RFX7: variants seen among roughly 807,000 people sequenced by gnomAD.
RFX7 encodes the protein DNA-binding protein RFX7.
A neutral mutation model predicts 111.8 loss-of-function variants in RFX7; 26 were observed. The observed-to-expected ratio is 0.23, with a 90% CI of 0.17 to 0.32. The LOEUF (loss-of-function observed/expected upper bound fraction) is 0.32. RFX7 is among the 10% of genes least tolerant of loss of function. The pLI is 1.00. For synonymous variants in RFX7, 624 were observed against 624.4 expected, an observed-to-expected ratio of 1.00 and a Z score of 0.01; for missense variants, 1,573 against 1,772.9, an observed-to-expected ratio of 0.89 and a Z score of 2.02.
chr15:56,201,090 G>A (rs79109146), intron 2 of RFX7, among the ~76,000 whole-genome samples: 1 of 152,240 alleles, frequency 6.6e-6, no homozygotes, highest in East Asian at 1.9e-4. Context: ...TTAATGGGAA[G>A]ACTACGGACT....
chr15:56,167,217 AG>A (rs2042793575), intron 3 of RFX7, among the ~76,000 whole-genome samples: 1 of 152,158 alleles, frequency 6.6e-6, no homozygotes, highest in Admixed American at 6.5e-5. Context: ...CTGAGGCAGA[AG>A]GATCACTTGA....
At chr15:56,170,702 C>T (rs2042836352) in intron 3 of RFX7, among the ~76,000 whole-genome samples, 1 of 152,202 alleles carries the variant, frequency 6.6e-6, no homozygotes, top group Non-Finnish European at 1.5e-5. Context: ...ATTCCTCAGT[C>T]ACACTAACCA....
At chr15:56,180,918 A>C (rs2042963634) in intron 2 of RFX7, among the ~76,000 whole-genome samples, 1 of 151,878 alleles carries the variant, frequency 6.6e-6, no homozygotes, top group African/African-American at 2.4e-5. Context: ...CTCCGTCTCC[A>C]AAAAAAATAA....
intron 2 of RFX7, among the ~76,000 whole-genome samples, chr15:56,195,850 T>C (rs1567043140): frequency 1.3e-5 from 2 of 152,132 alleles, no homozygotes; most frequent in Non-Finnish European, 2.9e-5. Flanking sequence ...TTATAAGAAG[T>C]TCCCTAATAT....
intron 2 of RFX7, among the ~76,000 whole-genome samples, chr15:56,180,781 G>C (rs1476402771): frequency 2.0e-5 from 3 of 150,986 alleles, no homozygotes; most frequent in African/African-American, 7.3e-5. Flanking sequence ...GCCGAGCATG[G>C]TGGCTTGCAC....
chr15:56,189,042 C>T (rs1261572061), intron 2 of RFX7, among the ~76,000 whole-genome samples: 2 of 152,244 alleles, frequency 1.3e-5, no homozygotes, highest in East Asian at 3.9e-4. Context: ...TGGTCTTGAA[C>T]TCCTGACCTC....
intron 5 of RFX7, among the ~76,000 whole-genome samples, chr15:56,136,075 A>C (rs375124967): frequency 4.6e-5 from 7 of 152,064 alleles, no homozygotes; most frequent in African/African-American, 1.7e-4. Flanking sequence ...GTTCTTTTGG[A>C]TTAGGATTGA....
At chr15:56,173,820 G>A (rs1443651878) in intron 3 of RFX7, among the ~76,000 whole-genome samples, 1 of 151,796 alleles carries the variant, frequency 6.6e-6, no homozygotes, top group African/African-American at 2.4e-5. Context: ...AAAAATGATA[G>A]AGATAATACA....
At chr15:56,149,573 C>T (rs927833049) in intron 3 of RFX7, among the ~76,000 whole-genome samples, 3 of 152,116 alleles carry the variant, frequency 2.0e-5, no homozygotes, top group South Asian at 4.1e-4. Flanking sequence ...CAGGGTGGGG[C>T]GTCACTTCAC....
At chr15:56,178,164 ACTAC>A (rs2042923035) in intron 3 of RFX7, among the ~76,000 whole-genome samples, 1 of 111,148 alleles carries the variant, frequency 9.0e-6, no homozygotes, top group Non-Finnish European at 1.9e-5. Flanking sequence ...AAACCAAAAA[ACTAC>A]ACACACACAC....
At chr15:56,175,211 T>C (rs1028059403) in intron 3 of RFX7, among the ~76,000 whole-genome samples, 1 of 152,162 alleles carries the variant, frequency 6.6e-6, no homozygotes, top group Non-Finnish European at 1.5e-5. Flanking sequence ...TAAAAACTTT[T>C]AGTTTTAATA....
intron 5 of RFX7, among the ~76,000 whole-genome samples, chr15:56,114,588 A>AG: frequency 6.6e-6 from 1 of 152,176 alleles, no homozygotes; most frequent in Non-Finnish European, 1.5e-5. Context: ...TCATACTAAT[A>AG]TATCACCTTT....
intron 3 of RFX7, among the ~76,000 whole-genome samples, chr15:56,167,790 A>C (rs565098895): frequency 2.6e-5 from 4 of 152,328 alleles, no homozygotes; most frequent in African/African-American, 9.6e-5. Flanking sequence ...TATTGTCTTC[A>C]TAATTGGAAT....
chr15:56,243,762 G>GGCACCGCTCC lies in RFX7; in HGVS notation c.-330_-321dup, dbSNP rs1273545808. On this transcript the variant is annotated 5_prime_UTR_variant, in exon 1 of 10. Transcript: ENST00000559447. ...GGGTCCCCGTGCTGCTGCAGCCCCA[G>GGCACCGCTCC]GCACCGCTCCACGCCACTCCCCACG... Among the ~76,000 whole-genome samples the GGCACCGCTCC allele has an allele frequency of 1.3e-5, 2 of 150,304 alleles. No homozygotes were observed. Among genetic ancestry groups the GGCACCGCTCC allele is most frequent in the African/African-American group, 4.9e-5 (2 of 41,158 alleles).
At chr15:56,162,765 A>T (rs2042737554) in intron 3 of RFX7, among the ~76,000 whole-genome samples, 1 of 152,146 alleles carries the variant, frequency 6.6e-6, no homozygotes, top group African/African-American at 2.4e-5. Context: ...GCATGGCCTT[A>T]TATAAATTAT....
intron 3 of RFX7, among the ~76,000 whole-genome samples, chr15:56,164,780 A>C (rs2042764060): frequency 6.6e-6 from 1 of 152,196 alleles, no homozygotes; most frequent in Non-Finnish European, 1.5e-5. Flanking sequence ...TTGGTTCTTA[A>C]GGTTTATCTC....
chr15:56,100,500 G>A lies in RFX7; in HGVS notation c.811+859C>T, dbSNP rs11857884. 8.3e-3 allele frequency among the ~76,000 whole-genome samples: 1,257 copies of A among 152,236 alleles called. 10 individuals are homozygous for A. The highest frequency in any genetic ancestry group is 0.011 in the Non-Finnish European group (740 of 68,004). On this transcript the variant is annotated intron_variant, in intron 8 of 9. Coordinates refer to ENST00000559447, the MANE Select transcript of RFX7 (RefSeq NM_022841.7). Reference sequence around the variant, plus strand: ...TAATGTGTAAAAGATACTAAAAAAAGAAGTGAAGTTAATTAAGAGACTATA... The same window carrying A: ...TAATGTGTAAAAGATACTAAAAAAAAAAGTGAAGTTAATTAAGAGACTATA...
In RFX7 at chr15:56,104,516, C is replaced by T. The variant is rs1183664545; in HGVS notation, c.402-846G>A. Among the ~76,000 whole-genome samples the T allele has an allele frequency of 2.6e-5, 4 of 152,206 alleles. No individual in the cohort carries two copies. The East Asian group carries it at 7.7e-4, about 29-fold the overall frequency. On this transcript the variant is annotated intron_variant, in intron 5 of 9. Transcript: ENST00000559447. ...ACCTCTCATTTAGCATCAACCAGGA[C>T]AGCTTCTTGATGAAGTCATGCAGAA...
In RFX7 at chr15:56,098,125, G is replaced by A; in HGVS notation, c.1063C>T (p.Gln355Ter). 1 of 1,613,908 alleles carries A rather than the reference G, an allele frequency of 6.2e-7. No individual in the cohort carries two copies. The highest frequency in any genetic ancestry group is 8.5e-7 in the Non-Finnish European group (1 of 1,179,842). The change falls in exon 9 of 10, where the codon CAA becomes TAA. Residue 355 changes from glutamine to a stop codon, truncating the protein, a stop_gained. Transcript: ENST00000559447. LOFTEE classifies it high-confidence loss of function. ...GCTGCCACAACGATACCAATAGGTT[G>A]AGGAGAAAGGATTGAAGGATTTCCA... ...PNGNPSILSP[Q>*]PIGIVVAAVP...
Sources: allele counts gnomAD v4.1 joint callset (sites outside exome capture counted in the v4.1 genomes callset), GRCh38; gene constraint gnomAD v4.1.1; transcripts MANE v1.5; gene names NCBI Gene and HGNC (gene_info 2026-07-23, HGNC 2026-07-21).